The following CEP85L variants were observed in gnomAD, a reference collection of about 807,000 sequenced individuals.
The protein encoded by CEP85L is centrosomal protein 85L.
A neutral mutation model predicts 100.3 loss-of-function variants in CEP85L; 60 were observed. The observed-to-expected ratio is 0.60, with a 90% CI of 0.49 to 0.74. CEP85L has a LOEUF of 0.74. CEP85L is among the 30% of genes least tolerant of loss of function. The probability of loss-of-function intolerance (pLI) is 0.00; values close to 1 mark genes in which losing one functional copy is unlikely to be tolerated. For synonymous variants in CEP85L, 319 were observed against 322.7 expected, an observed-to-expected ratio of 0.99 and a Z score of 0.12; for missense variants, 973 against 936.2, an observed-to-expected ratio of 1.04 and a Z score of -0.51.
At chr6:118,693,617 C>G (rs1777113607) in intron 1 of CEP85L, among the ~76,000 whole-genome samples, 1 of 152,184 alleles carries the variant, frequency 6.6e-6, no homozygotes, top group Non-Finnish European at 1.5e-5. Context: ...TATTGGTTAG[C>G]CTGCACTGTC....
At chr6:118,470,389 A>G in intron 11 of CEP85L, 148 bp downstream of exon 11, 1 of 448,524 alleles carries the variant, frequency 2.2e-6, no homozygotes, top group Non-Finnish European at 4.0e-6. Flanking sequence ...TTGTCTTTTT[A>G]TAATAATTTT....
At chr6:118,614,063 T>A (rs900201379) in intron 2 of CEP85L, among the ~76,000 whole-genome samples, 1 of 152,078 alleles carries the variant, frequency 6.6e-6, no homozygotes, top group Non-Finnish European at 1.5e-5. Flanking sequence ...GGATAAAAAG[T>A]TCGTTAAACA....
intron 4 of CEP85L, among the ~76,000 whole-genome samples, chr6:118,518,072 G>A (rs1460917565): frequency 6.6e-6 from 1 of 152,202 alleles, no homozygotes; most frequent in African/African-American, 2.4e-5. Context: ...GCATCCCAGG[G>A]ATGACGCCGA....
chr6:118,473,138 C>A (rs913172087), intron 10 of CEP85L, among the ~76,000 whole-genome samples: 6 of 152,196 alleles, frequency 3.9e-5, no homozygotes, highest in Non-Finnish European at 8.8e-5. Context: ...ATGCAAAAAT[C>A]ATTGCCAAAC....
In CEP85L at chr6:118,477,420, A is replaced by T. The variant is rs151235619; in HGVS notation, c.1914+2451T>A. Among the ~76,000 whole-genome samples, 565 of 152,334 alleles carry T rather than the reference A, an allele frequency of 3.7e-3. 3 individuals carry two copies. The highest frequency in any genetic ancestry group is 0.013 in the African/African-American group (539 of 41,590). On this transcript the variant is annotated intron_variant, in intron 10 of 12. Transcript: ENST00000368491. ...TAAACATGCCAGTGACCTATAACAGATAAGTATTTATTTGACTTTTGTGGC... is the reference window on the plus strand; with the variant it reads ...TAAACATGCCAGTGACCTATAACAGTTAAGTATTTATTTGACTTTTGTGGC...
rs1189854291 is a variant in CEP85L, at chr6:118,549,680, T to A, written c.1020+15849A>T. On this transcript the variant is annotated intron_variant, in intron 3 of 12. Coordinates refer to ENST00000368491, the MANE Select transcript of CEP85L (RefSeq NM_001042475.3). ...CTCATATTTTTCCTTTGATAGTACA[T>A]AAAAGTCATTCAGTGTAGGTGTCTT... is the stretch of plus-strand genomic sequence containing the variant. 2.0e-5 allele frequency among the ~76,000 whole-genome samples: 3 copies of A among 151,970 alleles called. No individual in the cohort carries two copies. In the South Asian group the frequency reaches 6.2e-4, roughly 32 times the overall value.
At chr6:118,609,020 T>G (rs899558065) in intron 2 of CEP85L, among the ~76,000 whole-genome samples, 11 of 152,186 alleles carry the variant, frequency 7.2e-5, no homozygotes, top group African/African-American at 2.4e-4. Flanking sequence ...TCTAGGAGCT[T>G]CAGGTGGTGT....
chr6:118,582,484 A>G (rs1364889433), intron 2 of CEP85L, among the ~76,000 whole-genome samples: 1 of 152,204 alleles, frequency 6.6e-6, no homozygotes, highest in East Asian at 1.9e-4. Flanking sequence ...GACCAAGGAG[A>G]AAAAGAGGAG....
At chr6:118,637,224 G>A (rs1236810433) in intron 1 of CEP85L, among the ~76,000 whole-genome samples, 2 of 152,088 alleles carry the variant, frequency 1.3e-5, no homozygotes, top group African/African-American at 4.8e-5. Flanking sequence ...CGCCCCTCTA[G>A]AAACCCTAAA....
At chr6:118,478,846 C>T (rs552426482) in intron 10 of CEP85L, among the ~76,000 whole-genome samples, 1 of 152,210 alleles carries the variant, frequency 6.6e-6, no homozygotes, top group South Asian at 2.1e-4. Flanking sequence ...GGGGAAAATG[C>T]ACATTTCAAT....
intron 2 of CEP85L, among the ~76,000 whole-genome samples, chr6:118,594,246 T>C (rs1456586761): frequency 1.3e-5 from 2 of 152,216 alleles, no homozygotes; most frequent in South Asian, 2.1e-4. Context: ...GCTTTTGTTT[T>C]TACACAAAAT....
intron 3 of CEP85L, among the ~76,000 whole-genome samples, chr6:118,541,128 T>C (rs1367064522): frequency 3.3e-5 from 5 of 152,168 alleles, no homozygotes; most frequent in African/African-American, 1.2e-4. Flanking sequence ...AATTAAGCAA[T>C]AAGCCCATTG....
At chr6:118,484,434 A>G (rs1774025880) in intron 6 of CEP85L, among the ~76,000 whole-genome samples, 1 of 152,220 alleles carries the variant, frequency 6.6e-6, no homozygotes, top group Non-Finnish European at 1.5e-5. Context: ...GTCATCAACC[A>G]GGGGGCAGTA....
intron 10 of CEP85L, among the ~76,000 whole-genome samples, chr6:118,471,209 T>C (rs932483067): frequency 3.3e-5 from 5 of 152,026 alleles, no homozygotes; most frequent in African/African-American, 1.2e-4. Flanking sequence ...TCTTACTCCT[T>C]ATAAAATTGC....
At chr6:118,603,581 T>C (rs1307092015) in intron 2 of CEP85L, among the ~76,000 whole-genome samples, 2 of 152,200 alleles carry the variant, frequency 1.3e-5, no homozygotes, top group Non-Finnish European at 2.9e-5. Context: ...CACTCAACTG[T>C]TAAAAGCTGT....
chr6:118,497,559 A>AC (rs1275970117), intron 5 of CEP85L, among the ~76,000 whole-genome samples: 8 of 151,642 alleles, frequency 5.3e-5, no homozygotes, highest in Non-Finnish European at 1.2e-4. Context: ...CCCAAACCAC[A>AC]CCCCCTCCCC....
chr6:118,691,842 A>T (rs1327131344), intron 1 of CEP85L, among the ~76,000 whole-genome samples: 1 of 152,016 alleles, frequency 6.6e-6, no homozygotes. Flanking sequence ...TAGACAAAGA[A>T]TTTTTCTTTG....
intron 2 of CEP85L, among the ~76,000 whole-genome samples, chr6:118,606,892 T>G (rs762146762): frequency 1.1e-4 from 17 of 152,184 alleles, no homozygotes; most frequent in Non-Finnish European, 1.6e-4. Context: ...TGATTTTTTT[T>G]TTTAACCATT....
At position 118,565,585 on chromosome 6, in the gene CEP85L, G is replaced by A. The variant is rs1779450346; in HGVS notation, c.964C>T (p.Pro322Ser). The change falls in exon 3 of 13, where the codon CCT (proline) becomes TCT (serine). Residue 322 changes from proline to serine, a missense_variant. Around this residue, in one of 3 missense-constraint regions of CEP85L, gnomAD observed 890 missense variants for 844.5 expected, o/e 1.05. Coordinates refer to ENST00000368491, the MANE Select transcript of CEP85L (RefSeq NM_001042475.3). ...TCTTCAATTTGCTGCTGTTGCCAAGGAGCTAAACTGTAAGAATCCTCTGTA... is the reference window on the plus strand; with the variant it reads ...TCTTCAATTTGCTGCTGTTGCCAAGAAGCTAAACTGTAAGAATCCTCTGTA... ...RNTEDSYSLA[P>S]WQQQQIEDFR... 1.2e-5 allele frequency: 19 copies of A among 1,614,146 alleles called. No individual in the cohort carries two copies. Among genetic ancestry groups the A allele is most frequent in the Non-Finnish European group, 1.5e-5 (18 of 1,180,018 alleles).
Sources: allele counts gnomAD v4.1 joint callset (sites outside exome capture counted in the v4.1 genomes callset), GRCh38; gene constraint gnomAD v4.1.1; regional missense constraint gnomAD v4.1.1; transcripts MANE v1.5; gene names NCBI Gene and HGNC (gene_info 2026-07-23, HGNC 2026-07-21).